Variants in SHROOM4 observed in about 807,000 individuals in gnomAD.
The protein encoded by SHROOM4 is protein Shroom4.
In SHROOM4, 17 loss-of-function variants were observed where a neutral mutation model predicts 80.3. That is an observed-to-expected ratio of 0.21 (90% CI 0.14 to 0.32). The LOEUF (loss-of-function observed/expected upper bound fraction) is 0.32. SHROOM4 is among the 10% of genes least tolerant of loss of function. The pLI is 1.00. For synonymous variants in SHROOM4, 400 were observed against 437.5 expected (o/e 0.91, Z 1.07); for missense variants, 993 against 1,140.3 (o/e 0.87, Z 1.86).
intron 1 of SHROOM4, among the ~76,000 whole-genome samples, chrX:50,744,223 T>C (rs1557267466): frequency 9.0e-6 from 1 of 111,657 alleles, no homozygotes. Flanking sequence ...CCCCTTCTGG[T>C]ACTCTCATTA....
At chrX:50,800,944 T>C (rs1439558265) in intron 1 of SHROOM4, among the ~76,000 whole-genome samples, 5 of 110,017 alleles carry the variant, frequency 4.5e-5, no homozygotes, top group African/African-American at 1.7e-4. Flanking sequence ...AAGCTGCCCT[T>C]TCCCATCTGA....
chrX:50,651,976 T>C (rs183979134), intron 2 of SHROOM4, among the ~76,000 whole-genome samples: 309 of 111,808 alleles, frequency 2.8e-3, no homozygotes, highest in African/African-American at 9.2e-3. Flanking sequence ...TTTATCCAGT[T>C]TATCATTGAT....
At chrX:50,789,116 G>T (rs1399193777) in intron 1 of SHROOM4, among the ~76,000 whole-genome samples, 7 of 111,814 alleles carry the variant, frequency 6.3e-5, no homozygotes, top group African/African-American at 2.3e-4. Context: ...CCAGACAGAT[G>T]ATCAAAAGGA....
chrX:50,655,710 A>G (rs112956414), intron 2 of SHROOM4, among the ~76,000 whole-genome samples: 1,762 of 109,656 alleles, frequency 0.016, 41 homozygotes, highest in African/African-American at 0.056. Flanking sequence ...TATTGTGAAT[A>G]GTACTGTAAT....
At chrX:50,749,028 T>C (rs1271077873) in intron 1 of SHROOM4, among the ~76,000 whole-genome samples, 1 of 111,681 alleles carries the variant, frequency 9.0e-6, no homozygotes, top group Non-Finnish European at 1.9e-5. Context: ...CCGGGCAACA[T>C]GGTGAAACCC....
chrX:50,687,550 C>T lies in SHROOM4; in HGVS notation c.269+8236G>A, dbSNP rs142839493. On this transcript the variant is annotated intron_variant, in intron 2 of 8. Transcript: ENST00000376020. ...CAACTTCAGTTTTAACAAGTTTCAA[C>T]AGTTGTAACCCCTTCCATTTAATTA... Among the ~76,000 whole-genome samples, 469 of 110,964 alleles carry T rather than the reference C, an allele frequency of 4.2e-3. 4 individuals are homozygous for T. The highest frequency in any genetic ancestry group is 0.015 in the African/African-American group (458 of 30,435).
chrX:50,719,785 CGTGT>C (rs1411794859), intron 1 of SHROOM4, among the ~76,000 whole-genome samples: 1 of 112,194 alleles, frequency 8.9e-6, no homozygotes, highest in Non-Finnish European at 1.9e-5. Context: ...CATGTGTGTG[CGTGT>C]GTGTCTGTGC....
chrX:50,795,941 T>C (rs1936001845), intron 1 of SHROOM4, among the ~76,000 whole-genome samples: 2 of 112,270 alleles, frequency 1.8e-5, no homozygotes, highest in Admixed American at 9.5e-5. Context: ...TATTAGCTAT[T>C]TTTTAAAATG....
intron 5 of SHROOM4, among the ~76,000 whole-genome samples, chrX:50,618,112 G>A (rs1291067558): frequency 1.8e-5 from 2 of 111,136 alleles, no homozygotes; most frequent in African/African-American, 3.3e-5. Flanking sequence ...GATATTGGTT[G>A]GCCTCTAGAA....
chrX:50,668,751 A>C (rs191882831), intron 2 of SHROOM4, among the ~76,000 whole-genome samples: 2 of 112,325 alleles, frequency 1.8e-5, no homozygotes, highest in Admixed American at 1.9e-4. Context: ...ACTTACAAAG[A>C]ATTAGCAAGT....
chrX:50,776,198 G>A (rs1935503059), intron 1 of SHROOM4, among the ~76,000 whole-genome samples: 1 of 111,677 alleles, frequency 9.0e-6, no homozygotes, highest in Non-Finnish European at 1.9e-5. Flanking sequence ...TAGTACCAGA[G>A]AAAAGCTGCT....
intron 1 of SHROOM4, among the ~76,000 whole-genome samples, chrX:50,724,113 C>G (rs1374445083): frequency 9.0e-6 from 1 of 110,754 alleles, no homozygotes; most frequent in Non-Finnish European, 1.9e-5. Context: ...CACCCTTACC[C>G]CGCTCAACGC....
At chrX:50,718,810 T>C (rs1351015156) in intron 1 of SHROOM4, among the ~76,000 whole-genome samples, 1 of 111,687 alleles carries the variant, frequency 9.0e-6, no homozygotes, top group Non-Finnish European at 1.9e-5. Flanking sequence ...TCCATTTCTA[T>C]AGATCTCCTT....
chrX:50,634,062 C>T lies in SHROOM4; in HGVS notation c.2011G>A (p.Ala671Thr), dbSNP rs1205973082. 2.5e-6 allele frequency: 3 copies of T among 1,210,246 alleles called. No homozygotes were observed. In the African/African-American group the frequency reaches 5.2e-5, roughly 21 times the overall value. The change falls in exon 4 of 9, where the codon GCC (alanine) becomes ACC (threonine). Residue 671 changes from alanine (A) to threonine (T), a missense_variant. Coordinates refer to ENST00000376020, the MANE Select transcript of SHROOM4 (RefSeq NM_020717.5). The stretch of plus-strand genomic sequence containing the variant: ...GTCCTAGATTCATGGCTCTCAGGGG[C>T]TTGGCTGAGGCACTCGGAAGACCTA... Reference protein sequence around the residue: ...RARSSECLSQAPESHESRTGL... With the variant: ...RARSSECLSQTPESHESRTGL...
At chrX:50,753,215 A>G (rs1472906995) in intron 1 of SHROOM4, among the ~76,000 whole-genome samples, 2 of 111,932 alleles carry the variant, frequency 1.8e-5, no homozygotes, top group Admixed American at 1.9e-4. Context: ...CTGCAGAGAT[A>G]TGTAACCTCC....
intron 2 of SHROOM4, among the ~76,000 whole-genome samples, chrX:50,640,578 A>G (rs1211804347): frequency 9.0e-6 from 1 of 111,232 alleles, no homozygotes; most frequent in Non-Finnish European, 1.9e-5. Flanking sequence ...CTTTTAGGTC[A>G]TATCATGTTA....
intron 2 of SHROOM4, among the ~76,000 whole-genome samples, chrX:50,654,631 T>A (rs1238496265): frequency 9.1e-6 from 1 of 110,382 alleles, no homozygotes; most frequent in Non-Finnish European, 1.9e-5. Context: ...GTATATTAGA[T>A]TTCCAGAACG....
intron 1 of SHROOM4, among the ~76,000 whole-genome samples, chrX:50,770,443 A>G (rs1381768873): frequency 8.9e-6 from 1 of 112,136 alleles, no homozygotes; most frequent in African/African-American, 3.2e-5. Flanking sequence ...TCAAGGCAGC[A>G]GCATACATAC....
At chrX:50,796,965 G>A (rs1936027739) in intron 1 of SHROOM4, among the ~76,000 whole-genome samples, 1 of 104,950 alleles carries the variant, frequency 9.5e-6, no homozygotes, top group Non-Finnish European at 1.9e-5. Context: ...ATCAGACAGT[G>A]GAAAAGATTA....
Sources: gnomAD v4.1 joint callset for allele counts (sites outside exome capture counted in the v4.1 genomes callset) on GRCh38, gnomAD v4.1.1 for gene constraint, MANE v1.5 for transcripts, NCBI Gene and HGNC (gene_info 2026-07-23, HGNC 2026-07-21) for gene names.